The following SH2B3 variants were observed in gnomAD, a reference collection of about 807,000 sequenced individuals.
The protein encoded by SH2B3 is SH2B adaptor protein 3.
A neutral mutation model predicts 51.9 loss-of-function variants in SH2B3; 43 were observed. The ratio of observed to expected loss-of-function variants is 0.83; its 90% CI spans 0.65 to 1.07. SH2B3 has a LOEUF of 1.07. SH2B3 is among the 50% of genes least tolerant of loss of function. SH2B3 has a pLI of 0.00. For synonymous variants in SH2B3, 396 were observed against 376.0 expected, an observed-to-expected ratio of 1.05 and a Z score of -0.62; for missense variants, 952 against 834.3, an observed-to-expected ratio of 1.14 and a Z score of -1.74.
At chr12:111,446,024 T>TGG (rs1873920022) in intron 2 of SH2B3, among the ~76,000 whole-genome samples, 1 of 152,226 alleles carries the variant, frequency 6.6e-6, no homozygotes, top group Admixed American at 6.5e-5. Flanking sequence ...AACACCTGAA[T>TGG]GGAGGGGGCC....
intron 2 of SH2B3, among the ~76,000 whole-genome samples, chr12:111,439,274 C>T (rs1026184998): frequency 5.9e-5 from 9 of 152,054 alleles, no homozygotes; most frequent in Non-Finnish European, 1.2e-4. Context: ...CTCAGCCTCC[C>T]GAGCAGCTGG....
chr12:111,423,749 A>C (rs1171133973), intron 2 of SH2B3, among the ~76,000 whole-genome samples: 1 of 152,136 alleles, frequency 6.6e-6, no homozygotes, highest in Non-Finnish European at 1.5e-5. Context: ...TAGGGAGACC[A>C]AGGCAGATTA....
In SH2B3 at chr12:111,418,243, A is replaced by T. The variant is rs765323352; in HGVS notation, c.98A>T (p.His33Leu). ...PRGWSEFCEL[H>L]AVAAARELAR... is the part of the protein sequence containing the mutation. The stretch of plus-strand genomic sequence containing the variant: ...GGCTGGAGCGAGTTCTGTGAGTTGC[A>T]CGCCGTAGCGGCGGCCCGGGAGCTG... The change falls in exon 2 of 8, where the codon CAC (histidine) becomes CTC (leucine). Residue 33 changes from histidine (H) to leucine (L), a missense_variant. His to Leu is a moderately conservative substitution (Grantham distance 99). Transcript: ENST00000341259. The surrounding 1 kb of genome is among the most constrained non-coding windows in gnomAD (Gnocchi z 6.7). 6.4e-7 allele frequency: 1 copy of T among 1,555,086 alleles called. No individual in the cohort carries two copies. Among genetic ancestry groups the T allele is most frequent in the Non-Finnish European group, 8.6e-7 (1 of 1,159,384 alleles).
Position 111,448,829 on chromosome 12 carries a change from T to C in SH2B3, c.*527T>C, listed in dbSNP as rs1479807991. 6.5e-6 allele frequency: 1 copy of C among 154,148 alleles called. No individual in the cohort carries two copies. Among genetic ancestry groups the C allele is most frequent in the Non-Finnish European group, 1.4e-5 (1 of 69,116 alleles). The allele number at this position is 154,148 out of a possible 1,614,324, so 9.5% of individuals were successfully genotyped here. ...CTACTCTCAGCTTTAGGACAAAAGC[T>C]CTGTCAGAGGCACAAGCTGAAGGTC... On this transcript the variant is annotated 3_prime_UTR_variant, in exon 8 of 8. Coordinates refer to ENST00000341259, the MANE Select transcript of SH2B3 (RefSeq NM_005475.3).
At position 111,446,764 on chromosome 12, in the gene SH2B3, C is replaced by T. The variant is rs760787492; in HGVS notation, c.744C>T (p.Pro248=). The part of the protein sequence containing the change: ...ELFDPPKSSR[P]KLQAACSSIQ... ...ACTTGGTCTCGTAGAGTTCAAGGCCCAAGCTACAAGCAGCTTGCTCCAGCA... is the reference window on the plus strand; with the variant it reads ...ACTTGGTCTCGTAGAGTTCAAGGCCTAAGCTACAAGCAGCTTGCTCCAGCA... The change falls in exon 3 of 8, where the codon CCC becomes CCT. Residue 248 remains proline, a synonymous_variant. Coordinates refer to ENST00000341259, the MANE Select transcript of SH2B3 (RefSeq NM_005475.3). 6.5e-7 allele frequency: 1 copy of T among 1,545,578 alleles called. No individual in the cohort carries two copies.
chr12:111,436,579 T>C (rs917805230), intron 2 of SH2B3, among the ~76,000 whole-genome samples: 1 of 151,810 alleles, frequency 6.6e-6, no homozygotes, highest in Non-Finnish European at 1.5e-5. Flanking sequence ...GAGGGGACCA[T>C]GTTGCTGCTG....
intron 1 of SH2B3, among the ~76,000 whole-genome samples, chr12:111,408,296 C>T (rs1870403341): frequency 6.6e-6 from 1 of 152,142 alleles, no homozygotes; most frequent in South Asian, 2.1e-4. Flanking sequence ...AGTGAATTCA[C>T]AGTGTCCAGA....
intron 2 of SH2B3, among the ~76,000 whole-genome samples, chr12:111,434,554 T>A (rs2135578808): frequency 6.6e-6 from 1 of 152,360 alleles, no homozygotes; most frequent in East Asian, 1.9e-4. Context: ...TCAATTTTGT[T>A]CCTGCATTTC....
intron 2 of SH2B3, among the ~76,000 whole-genome samples, chr12:111,422,007 G>A (rs899042537): frequency 6.6e-5 from 10 of 152,202 alleles, no homozygotes; most frequent in South Asian, 2.1e-4. Context: ...GTGTCCCACC[G>A]GCAGTGGGCG....
At chr12:111,431,097 C>T (rs1159587064) in intron 2 of SH2B3, among the ~76,000 whole-genome samples, 1 of 152,212 alleles carries the variant, frequency 6.6e-6, no homozygotes, top group African/African-American at 2.4e-5. Flanking sequence ...CCCATACCCC[C>T]TTTTTCCTAT....
In SH2B3 at chr12:111,446,859, G is replaced by GTGAC; in HGVS notation, c.834+6_834+9dup. ...CTTTACACCTTTGTGCTGAAGGTGA[G>GTGAC]TGACAAGGCTTTTCACACCCTGGGG... On this transcript the variant is annotated splice_donor_region_variant and intron_variant, in intron 3 of 7. Coordinates refer to ENST00000341259, the MANE Select transcript of SH2B3 (RefSeq NM_005475.3). The GTGAC allele has an allele frequency of 6.2e-7, 1 of 1,605,170 alleles. No individual in the cohort carries two copies. Among genetic ancestry groups the GTGAC allele is most frequent in the Non-Finnish European group, 8.5e-7 (1 of 1,172,904 alleles).
chr12:111,447,425 A>C lies in SH2B3; in HGVS notation c.1117A>C (p.Lys373Gln). The part of the protein sequence containing the change: ...PWFHGPISRV[K>Q]AAQLVQLQGP... ...GTTCCACGGCCCCATCTCCAGAGTGAAAGCAGCTCAGCTGGTTCAGCTGCA... is the reference window on the plus strand; with the variant it reads ...GTTCCACGGCCCCATCTCCAGAGTGCAAGCAGCTCAGCTGGTTCAGCTGCA... The change falls in exon 6 of 8, where the codon AAA (lysine) becomes CAA (glutamine). Residue 373 changes from lysine to glutamine, a missense_variant. Physicochemically the swap from Lys to Gln is moderately conservative, Grantham distance 53. Transcript: ENST00000341259. 1 of 1,614,026 alleles carries C rather than the reference A, an allele frequency of 6.2e-7. No individual in the cohort carries two copies. Among genetic ancestry groups the C allele is most frequent in the Non-Finnish European group, 8.5e-7 (1 of 1,179,962 alleles).
At chr12:111,413,292 C>G (rs775445220) in intron 1 of SH2B3, among the ~76,000 whole-genome samples, 28 of 152,194 alleles carry the variant, frequency 1.8e-4, no homozygotes, top group Non-Finnish European at 3.5e-4. Context: ...TACAGCTACT[C>G]TGGAGGCTGA....
At chr12:111,444,268 A>C (rs1873710301) in intron 2 of SH2B3, 1 of 152,274 alleles carries the variant, frequency 6.6e-6, no homozygotes, top group African/African-American at 2.4e-5. Flanking sequence ...TTAGCTGTTG[A>C]AATAAATACA....
intron 2 of SH2B3, among the ~76,000 whole-genome samples, chr12:111,445,808 T>C (rs1392638603): frequency 6.6e-6 from 1 of 152,270 alleles, no homozygotes; most frequent in Non-Finnish European, 1.5e-5. Flanking sequence ...CAGAGGTACC[T>C]GGCAGCTCTG....
At chr12:111,439,655 G>A (rs536763824) in intron 2 of SH2B3, among the ~76,000 whole-genome samples, 3 of 152,302 alleles carry the variant, frequency 2.0e-5, no homozygotes, top group South Asian at 4.1e-4. Context: ...CATAGTTCAC[G>A]GCAGCCTCAA....
intron 2 of SH2B3, among the ~76,000 whole-genome samples, chr12:111,441,958 G>T (rs1306212584): frequency 7.3e-5 from 11 of 151,706 alleles, no homozygotes; most frequent in African/African-American, 2.4e-4. Context: ...TTAAGACAGG[G>T]TCTCACTCTG....
chr12:111,423,015 A>G (rs2135556525), intron 2 of SH2B3, among the ~76,000 whole-genome samples: 1 of 152,188 alleles, frequency 6.6e-6, no homozygotes, highest in South Asian at 2.1e-4. Flanking sequence ...ACTTACTTTC[A>G]TTCTAAGTAA....
intron 2 of SH2B3, among the ~76,000 whole-genome samples, chr12:111,424,789 A>G (rs1256869144): frequency 1.3e-5 from 2 of 152,212 alleles, no homozygotes; most frequent in Non-Finnish European, 2.9e-5. Flanking sequence ...TGTGCTTGCC[A>G]GGTAGTCAAC....
Sources: gnomAD v4.1 joint callset for allele counts (sites outside exome capture counted in the v4.1 genomes callset) on GRCh38, gnomAD v4.1.1 for gene constraint, Gnocchi (gnomAD v3.1) non-coding constraint, MANE v1.5 for transcripts, NCBI Gene and HGNC (gene_info 2026-07-23, HGNC 2026-07-21) for gene names.